ACOXL: variants seen among roughly 807,000 people sequenced by gnomAD.
ACOXL encodes acyl-CoA oxidase like, also known as acyl-coenzyme A oxidase-like protein.
A neutral mutation model predicts 71.9 loss-of-function variants in ACOXL; 70 were observed. That is an observed-to-expected ratio of 0.97 (90% confidence interval 0.80 to 1.19). The LOEUF (loss-of-function observed/expected upper bound fraction) is 1.19. ACOXL is among the 50% of genes most tolerant of loss of function. The pLI is 0.00. For missense variants in ACOXL, 703 were observed against 736.3 expected (o/e 0.95, Z 0.52); for synonymous variants, 253 against 281.6 (o/e 0.90, Z 1.02).
At chr2:110,752,463 A>C (rs1242887935) in intron 1 of ACOXL, among the ~76,000 whole-genome samples, 1 of 151,912 alleles carries the variant, frequency 6.6e-6, no homozygotes, top group Non-Finnish European at 1.5e-5. Context: ...AAAATAAATA[A>C]ATAAAAGAAG....
chr2:110,853,665 T>G (rs1692886276), intron 10 of ACOXL, among the ~76,000 whole-genome samples: 1 of 152,218 alleles, frequency 6.6e-6, no homozygotes, highest in Non-Finnish European at 1.5e-5. Context: ...TACGGTTGTC[T>G]GTGCAATGAT....
At chr2:110,763,867 T>C (rs1680705387) in intron 1 of ACOXL, among the ~76,000 whole-genome samples, 1 of 151,834 alleles carries the variant, frequency 6.6e-6, no homozygotes, top group Non-Finnish European at 1.5e-5. Flanking sequence ...AACAACCCCA[T>C]CAAAAAATGG....
At chr2:111,109,671 A>ATTTTTTTTTTTTTTTTTTTT (rs869081161) in intron 17 of ACOXL, among the ~76,000 whole-genome samples, 1 of 75,644 alleles carries the variant, frequency 1.3e-5, no homozygotes, top group African/African-American at 5.5e-5. Flanking sequence ...TTCTCCTTCT[A>ATTTTTTTTTTTTTTTTTTTT]TTTTTTTTTT....
intron 9 of ACOXL, among the ~76,000 whole-genome samples, chr2:110,808,586 GCCTCTGTC>G (rs1192562983): frequency 1.3e-5 from 2 of 152,106 alleles, no homozygotes; most frequent in Admixed American, 6.5e-5. Flanking sequence ...TCTCCACTGG[GCCTCTGTC>G]CCTCTGGCCT....
chr2:110,858,244 T>G (rs968544920), intron 10 of ACOXL, among the ~76,000 whole-genome samples: 9 of 152,176 alleles, frequency 5.9e-5, no homozygotes, highest in African/African-American at 2.2e-4. Context: ...GAAATGGAGT[T>G]TTCTCCAAAG....
At chr2:111,089,192 C>T (rs1298683886) in intron 16 of ACOXL, among the ~76,000 whole-genome samples, 4 of 152,060 alleles carry the variant, frequency 2.6e-5, no homozygotes, top group African/African-American at 4.8e-5. Context: ...CCCAGCTACT[C>T]GGGAGGCTGA....
intron 10 of ACOXL, among the ~76,000 whole-genome samples, chr2:110,849,950 C>T (rs1400913466): frequency 2.6e-5 from 4 of 152,156 alleles, no homozygotes; most frequent in African/African-American, 9.7e-5. Context: ...AAGTCAGGAG[C>T]AGACCCCACA....
At chr2:110,860,201 C>G (rs1191466349) in intron 10 of ACOXL, among the ~76,000 whole-genome samples, 2 of 152,208 alleles carry the variant, frequency 1.3e-5, no homozygotes, top group African/African-American at 4.8e-5. Context: ...ACCTCTACCT[C>G]CTGGGATCAA....
intron 16 of ACOXL, among the ~76,000 whole-genome samples, chr2:111,091,490 C>A (rs951601606): frequency 6.6e-6 from 1 of 152,142 alleles, no homozygotes; most frequent in Non-Finnish European, 1.5e-5. Context: ...AAACTCACAG[C>A]AAATATTTTT....
intron 16 of ACOXL, among the ~76,000 whole-genome samples, chr2:111,074,329 C>G (rs2067492828): frequency 6.6e-6 from 1 of 151,936 alleles, no homozygotes; most frequent in South Asian, 2.1e-4. Flanking sequence ...GACATCCTTA[C>G]TTTGTTCCAG....
Position 110,893,188 on chromosome 2 carries a change from C to T in ACOXL, c.789-15601C>T, listed in dbSNP as rs140769316. On this transcript the variant is annotated intron_variant, in intron 10 of 17. Transcript: ENST00000439055. ...TTCAAAAGCAAAGCTAAAACTATGT[C>T]ACAGTAGAGACATCCAAACAAATAT... 2.0e-3 allele frequency among the ~76,000 whole-genome samples: 309 copies of T among 152,154 alleles called. 2 individuals are homozygous for T. The highest frequency in any genetic ancestry group is 7.2e-3 in the African/African-American group (300 of 41,520).
At chr2:110,746,350 A>G (rs1046883635) in intron 1 of ACOXL, among the ~76,000 whole-genome samples, 2 of 152,060 alleles carry the variant, frequency 1.3e-5, no homozygotes, top group African/African-American at 4.8e-5. Flanking sequence ...CCCTCCTGAT[A>G]GCCATGGGAG....
At chr2:110,807,898 C>T (rs905467719) in intron 9 of ACOXL, among the ~76,000 whole-genome samples, 12 of 152,186 alleles carry the variant, frequency 7.9e-5, no homozygotes, top group Non-Finnish European at 1.2e-4. Context: ...GTCACCGCAG[C>T]TCCCCACAGT....
chr2:110,951,146 G>A (rs1394173222), intron 12 of ACOXL, among the ~76,000 whole-genome samples: 8 of 152,240 alleles, frequency 5.3e-5, no homozygotes, highest in South Asian at 2.1e-4. Context: ...ACGTGCCAGC[G>A]GACGTCCCAT....
chr2:110,806,915 T>A (rs1195216170), intron 9 of ACOXL, among the ~76,000 whole-genome samples: 1 of 149,474 alleles, frequency 6.7e-6, no homozygotes. Flanking sequence ...CAGGCAGAGG[T>A]GGGAGCCTTC....
intron 16 of ACOXL, among the ~76,000 whole-genome samples, chr2:111,063,038 A>G (rs1034889438): frequency 2.0e-5 from 3 of 152,150 alleles, no homozygotes; most frequent in Non-Finnish European, 4.4e-5. Flanking sequence ...AAATTTGACA[A>G]TTTAGATGAA....
chr2:110,914,213 T>C (rs1186253666), intron 11 of ACOXL, among the ~76,000 whole-genome samples: 1 of 152,186 alleles, frequency 6.6e-6, no homozygotes, highest in East Asian at 1.9e-4. Context: ...AATCAGGTTA[T>C]GTGAGTCTTC....
chr2:110,884,693 A>G (rs1050879972), intron 10 of ACOXL, among the ~76,000 whole-genome samples: 9 of 152,178 alleles, frequency 5.9e-5, no homozygotes, highest in Admixed American at 2.6e-4. Flanking sequence ...TTAAAGATCA[A>G]AATTCCTGAA....
intron 16 of ACOXL, among the ~76,000 whole-genome samples, chr2:111,062,855 GAAC>G (rs1452360078): frequency 6.6e-6 from 1 of 151,904 alleles, no homozygotes; most frequent in Non-Finnish European, 1.5e-5. Flanking sequence ...AAATAATAGG[GAAC>G]AACAACGAAA....
Sources: allele counts gnomAD v4.1 joint callset (sites outside exome capture counted in the v4.1 genomes callset), GRCh38; gene constraint gnomAD v4.1.1; transcripts MANE v1.5; gene names NCBI Gene and HGNC (gene_info 2026-07-23, HGNC 2026-07-21).